The following CCSER1 variants were observed in gnomAD, a reference collection of about 807,000 sequenced individuals.
CCSER1 encodes coiled-coil serine rich protein 1, also known as serine-rich coiled-coil domain-containing protein 1.
CCSER1 carries 41 observed loss-of-function variants against 82.0 expected under a neutral mutation model. That is an observed-to-expected ratio of 0.50 (90% CI 0.39 to 0.65). The LOEUF (loss-of-function observed/expected upper bound fraction) is 0.65, where lower values mean the gene tolerates loss of function less well. CCSER1 is among the 30% of genes least tolerant of loss of function. The probability of loss-of-function intolerance (pLI) is 0.00; values close to 1 mark genes in which losing one functional copy is unlikely to be tolerated. For synonymous variants in CCSER1, 414 were observed against 383.9 expected (o/e 1.08, Z -0.92); for missense variants, 1,119 against 1,064.2 (o/e 1.05, Z -0.72).
intron 6 of CCSER1, among the ~76,000 whole-genome samples, chr4:90,652,576 T>C (rs1386796455): frequency 6.6e-6 from 1 of 152,126 alleles, no homozygotes; most frequent in East Asian, 1.9e-4. Context: ...CTAGACCCAA[T>C]AAGGAGAACA....
chr4:91,131,652 A>G (rs958247877), intron 10 of CCSER1, among the ~76,000 whole-genome samples: 2 of 152,116 alleles, frequency 1.3e-5, no homozygotes, highest in African/African-American at 4.8e-5. Flanking sequence ...GTTGATCTAG[A>G]TAGGTAGATA....
At chr4:91,300,426 C>T (rs1433987166) in intron 10 of CCSER1, among the ~76,000 whole-genome samples, 1 of 151,794 alleles carries the variant, frequency 6.6e-6, no homozygotes, top group African/African-American at 2.4e-5. Context: ...AATGAAGCCA[C>T]TATCAGTACT....
intron 10 of CCSER1, among the ~76,000 whole-genome samples, chr4:91,100,319 C>CT (rs1296621788): frequency 1.3e-5 from 2 of 152,092 alleles, no homozygotes; most frequent in African/African-American, 2.4e-5. Context: ...GCATAAAGCT[C>CT]TTTGAGTAGT....
intron 1 of CCSER1, among the ~76,000 whole-genome samples, chr4:90,270,012 G>T (rs1461136285): frequency 6.6e-6 from 1 of 151,990 alleles, no homozygotes; most frequent in East Asian, 1.9e-4. Flanking sequence ...AACAAGTAAT[G>T]AGATTGAAGC....
intron 10 of CCSER1, among the ~76,000 whole-genome samples, chr4:91,244,509 T>A (rs542588723): frequency 6.6e-6 from 1 of 152,286 alleles, no homozygotes; most frequent in Non-Finnish European, 1.5e-5. Flanking sequence ...TGGGAGAAAG[T>A]CAGAGAAAAG....
At chr4:90,897,956 G>A (rs899804352) in intron 8 of CCSER1, among the ~76,000 whole-genome samples, 6 of 151,858 alleles carry the variant, frequency 4.0e-5, no homozygotes, top group Non-Finnish European at 8.8e-5. Flanking sequence ...TTTTGATGGA[G>A]TTATTTATTT....
At chr4:90,278,576 A>G (rs950832755) in intron 1 of CCSER1, among the ~76,000 whole-genome samples, 1 of 152,224 alleles carries the variant, frequency 6.6e-6, no homozygotes, top group Admixed American at 6.5e-5. Flanking sequence ...ACCCAGAAAC[A>G]GAAAACCAAA....
chr4:90,966,810 G>T (rs902529308), intron 9 of CCSER1, among the ~76,000 whole-genome samples: 11 of 152,006 alleles, frequency 7.2e-5, no homozygotes, highest in Non-Finnish European at 1.3e-4. Flanking sequence ...ATATTGTTAA[G>T]ATGATAATAT....
intron 10 of CCSER1, among the ~76,000 whole-genome samples, chr4:91,201,375 T>A (rs763841801): frequency 5.9e-5 from 9 of 152,148 alleles, no homozygotes; most frequent in Non-Finnish European, 1.0e-4. Flanking sequence ...AAGCTCAACT[T>A]CTATGAATAA....
chr4:91,217,809 GAGCT>G (rs1490368614), intron 10 of CCSER1, among the ~76,000 whole-genome samples: 4 of 152,216 alleles, frequency 2.6e-5, no homozygotes, highest in Non-Finnish European at 5.9e-5. Context: ...CACAAACCTT[GAGCT>G]AAACACAGGG....
intron 10 of CCSER1, among the ~76,000 whole-genome samples, chr4:91,135,333 A>G (rs2148916795): frequency 6.6e-6 from 1 of 152,294 alleles, no homozygotes; most frequent in South Asian, 2.1e-4. Flanking sequence ...GAAAGGTAAG[A>G]TTTAGGAACT....
chr4:91,129,242 T>G (rs377027232), intron 10 of CCSER1, among the ~76,000 whole-genome samples: 1 of 152,018 alleles, frequency 6.6e-6, no homozygotes, highest in East Asian at 1.9e-4. Context: ...TCCCAAAACT[T>G]AAAAATAATA....
At chr4:90,779,807 A>G (rs1397265609) in intron 7 of CCSER1, among the ~76,000 whole-genome samples, 1 of 152,182 alleles carries the variant, frequency 6.6e-6, no homozygotes, top group African/African-American at 2.4e-5. Context: ...GTGAGGAGAA[A>G]ATGTCTTTCC....
intron 10 of CCSER1, among the ~76,000 whole-genome samples, chr4:91,181,334 C>T (rs1181069181): frequency 6.6e-6 from 1 of 152,216 alleles, no homozygotes; most frequent in Admixed American, 6.5e-5. Flanking sequence ...TCATTGAAAT[C>T]ACAGAACTTC....
intron 3 of CCSER1, among the ~76,000 whole-genome samples, chr4:90,340,375 A>G (rs1741177815): frequency 6.6e-6 from 1 of 152,314 alleles, no homozygotes; most frequent in East Asian, 1.9e-4. Context: ...TTCATAGTAA[A>G]TATCCTGTGT....
chr4:91,595,733 G>A (rs1407161101), intron 10 of CCSER1, among the ~76,000 whole-genome samples: 1 of 151,936 alleles, frequency 6.6e-6, no homozygotes, highest in Non-Finnish European at 1.5e-5. Context: ...ACTTGAAGCT[G>A]ACTTAAGGTA....
At chr4:91,464,533 G>T (rs1053397271) in intron 10 of CCSER1, among the ~76,000 whole-genome samples, 5 of 152,162 alleles carry the variant, frequency 3.3e-5, no homozygotes, top group Non-Finnish European at 5.9e-5. Context: ...TGGGCTAAAT[G>T]CTCCAATTAA....
chr4:91,097,089 C>T (rs1397713135), intron 10 of CCSER1, among the ~76,000 whole-genome samples: 2 of 152,136 alleles, frequency 1.3e-5, no homozygotes, highest in African/African-American at 4.8e-5. Flanking sequence ...CCTGTGTGCA[C>T]AGTTTTTTAA....
At chr4:91,180,593 T>G (rs1733926591) in intron 10 of CCSER1, among the ~76,000 whole-genome samples, 1 of 152,206 alleles carries the variant, frequency 6.6e-6, no homozygotes, top group South Asian at 2.1e-4. Context: ...CTCTGTGGGC[T>G]TGGGACCATC....
Sources: gnomAD v4.1 joint callset for allele counts (sites outside exome capture counted in the v4.1 genomes callset) on GRCh38, gnomAD v4.1.1 for gene constraint, MANE v1.5 for transcripts, NCBI Gene and HGNC (gene_info 2026-07-23, HGNC 2026-07-21) for gene names.